FNDC3A: variants seen among roughly 807,000 people sequenced by gnomAD.
FNDC3A encodes fibronectin type III domain containing 3A, also known as fibronectin type-III domain-containing protein 3A.
Under a neutral mutation model 148.9 loss-of-function variants are expected in FNDC3A, and 32 were observed. The ratio of observed to expected loss-of-function variants is 0.21; its 90% CI spans 0.16 to 0.29. FNDC3A has a LOEUF of 0.29. Among genes scored for constraint, FNDC3A ranks in the 10% least tolerant of loss-of-function variants. The pLI is 1.00. For synonymous variants in FNDC3A, 472 were observed against 473.6 expected (o/e 1.00, Z 0.04); for missense variants, 1,191 against 1,452.8 (o/e 0.82, Z 2.93).
intron 2 of FNDC3A, among the ~76,000 whole-genome samples, chr13:49,072,436 C>T (rs1877760078): frequency 6.6e-6 from 1 of 152,042 alleles, no homozygotes; most frequent in Non-Finnish European, 1.5e-5. Context: ...TCTGGGTTCT[C>T]TGCTCTATTC....
intron 3 of FNDC3A, among the ~76,000 whole-genome samples, chr13:49,093,529 C>T (rs993378585): frequency 6.6e-6 from 1 of 152,114 alleles, no homozygotes; most frequent in Admixed American, 6.6e-5. Context: ...ATTTTATATA[C>T]GAAGAAATTG....
chr13:48,996,556 A>C (rs1952027653), intron 1 of FNDC3A, among the ~76,000 whole-genome samples: 1 of 152,236 alleles, frequency 6.6e-6, no homozygotes, highest in African/African-American at 2.4e-5. Flanking sequence ...TAAAGTATAC[A>C]GGAGAATGTG....
intron 8 of FNDC3A, chr13:49,146,188 G>A (rs1882985233): frequency 5.2e-6 from 2 of 383,700 alleles, no homozygotes; most frequent in Admixed American, 4.6e-5. Context: ...CCTAATAGAT[G>A]GTTCAGTATT....
At chr13:49,037,223 T>C (rs2137677093) in intron 2 of FNDC3A, among the ~76,000 whole-genome samples, 1 of 152,342 alleles carries the variant, frequency 6.6e-6, no homozygotes, top group Middle Eastern at 3.4e-3. Context: ...AATATGTGCA[T>C]AGATAGTGCT....
chr13:49,120,819 A>G (rs754050721), intron 4 of FNDC3A, among the ~76,000 whole-genome samples: 2 of 152,238 alleles, frequency 1.3e-5, no homozygotes, highest in South Asian at 2.1e-4. Context: ...TATGAACCCA[A>G]TACAGGAGCA....
chr13:49,195,941 G>A (rs1029150343), intron 19 of FNDC3A, among the ~76,000 whole-genome samples: 2 of 151,850 alleles, frequency 1.3e-5, no homozygotes, highest in Non-Finnish European at 2.9e-5. Context: ...CAGCATGGTA[G>A]TGCACACCCG....
intron 17 of FNDC3A, 49 bp downstream of exon 17, chr13:49,188,682 A>G (rs759199166): frequency 1.7e-6 from 2 of 1,174,818 alleles, no homozygotes; most frequent in Non-Finnish European, 2.5e-6. Flanking sequence ...GTTTGGCCAA[A>G]TGGGGTAGGA....
At chr13:48,991,996 G>A (rs1253004649) in intron 1 of FNDC3A, among the ~76,000 whole-genome samples, 1 of 152,194 alleles carries the variant, frequency 6.6e-6, no homozygotes, top group Non-Finnish European at 1.5e-5. Context: ...ATACTGAAAA[G>A]TGGAAAACCG....
intron 8 of FNDC3A, among the ~76,000 whole-genome samples, chr13:49,163,057 G>A (rs1042656702): frequency 4.6e-5 from 7 of 152,168 alleles, no homozygotes; most frequent in Non-Finnish European, 7.3e-5. Context: ...CCTACTGGGA[G>A]GTGTCTCCCA....
At chr13:49,145,725 A>G in intron 7 of FNDC3A, 53 bp from the exon 8 acceptor site, 2 of 1,408,358 alleles carry the variant, frequency 1.4e-6, no homozygotes, top group Admixed American at 3.5e-5. Context: ...TTCACTGCTC[A>G]TTGTATACAT....
chr13:49,169,351 C>T (rs982998536), intron 10 of FNDC3A, among the ~76,000 whole-genome samples: 5 of 152,176 alleles, frequency 3.3e-5, no homozygotes, highest in South Asian at 4.1e-4. Flanking sequence ...CCAGATTGCA[C>T]AGTTATTGCA....
chr13:49,102,113 C>A (rs945544041), intron 3 of FNDC3A, among the ~76,000 whole-genome samples: 6 of 152,150 alleles, frequency 3.9e-5, no homozygotes, highest in Admixed American at 2.0e-4. Flanking sequence ...GCTGGGATTA[C>A]AGGCATGAAG....
chr13:49,094,808 T>C (rs1406611149), intron 3 of FNDC3A, among the ~76,000 whole-genome samples: 1 of 152,114 alleles, frequency 6.6e-6, no homozygotes, highest in Non-Finnish European at 1.5e-5. Context: ...GCCTACTCTA[T>C]TCTTTTTCTC....
chr13:49,033,716 A>ATT (rs1187138496), intron 2 of FNDC3A, among the ~76,000 whole-genome samples: 1 of 151,896 alleles, frequency 6.6e-6, no homozygotes, highest in Non-Finnish European at 1.5e-5. Context: ...CAAGTTTATG[A>ATT]TTTAATACAT....
chr13:49,160,786 T>C (rs139863998), intron 8 of FNDC3A, among the ~76,000 whole-genome samples: 148,681 of 151,174 alleles, frequency 0.98, 73,143 homozygotes, highest in South Asian at 1. Flanking sequence ...TACACACTGC[T>C]TTGAATGTGT....
chr13:49,203,772 C>T (rs917527627), intron 25 of FNDC3A, among the ~76,000 whole-genome samples: 21 of 152,182 alleles, frequency 1.4e-4, no homozygotes, highest in African/African-American at 4.8e-4. Context: ...CAAGAAGATA[C>T]GCTGAGGCAG....
intron 2 of FNDC3A, among the ~76,000 whole-genome samples, chr13:49,069,946 C>T (rs1877535557): frequency 6.6e-6 from 1 of 151,766 alleles, no homozygotes; most frequent in Non-Finnish European, 1.5e-5. Flanking sequence ...GGTTAACTCT[C>T]AAGGGAAAAA....
intron 2 of FNDC3A, among the ~76,000 whole-genome samples, chr13:49,011,025 A>G (rs1035913945): frequency 1.3e-5 from 2 of 152,116 alleles, no homozygotes; most frequent in African/African-American, 4.8e-5. Context: ...ATATAACTCA[A>G]TGTATTCATT....
intron 2 of FNDC3A, among the ~76,000 whole-genome samples, chr13:49,033,452 A>G (rs1874274805): frequency 6.6e-6 from 1 of 152,178 alleles, no homozygotes; most frequent in Non-Finnish European, 1.5e-5. Context: ...ATAAAATGAC[A>G]TAAGATGCCA....
Sources: allele counts gnomAD v4.1 joint callset (sites outside exome capture counted in the v4.1 genomes callset), GRCh38; gene constraint gnomAD v4.1.1; transcripts MANE v1.5; gene names NCBI Gene and HGNC (gene_info 2026-07-23, HGNC 2026-07-21).